DEK: variants seen among roughly 807,000 people sequenced by gnomAD.
DEK encodes protein DEK.
In DEK, 28 loss-of-function variants were observed where a neutral mutation model predicts 46.8. The ratio of observed to expected loss-of-function variants is 0.60; its 90% CI spans 0.44 to 0.82. The LOEUF (loss-of-function observed/expected upper bound fraction) is 0.82, where lower values mean the gene tolerates loss of function less well. Among genes scored for constraint, DEK ranks in the 40% least tolerant of loss-of-function variants. The probability of loss-of-function intolerance (pLI) is 0.00; values close to 1 mark genes in which losing one functional copy is unlikely to be tolerated. For synonymous variants in DEK, 160 were observed against 144.5 expected, an observed-to-expected ratio of 1.11 and a Z score of -0.77; for missense variants, 416 against 430.6, an observed-to-expected ratio of 0.97 and a Z score of 0.30.
chr6:18,232,482 A>G (rs1203133317), intron 9 of DEK, among the ~76,000 whole-genome samples: 1 of 152,186 alleles, frequency 6.6e-6, no homozygotes, highest in East Asian at 1.9e-4. Context: ...CTCAGCCCAA[A>G]ATCTCCTTAA....
intron 7 of DEK, among the ~76,000 whole-genome samples, chr6:18,246,337 C>T (rs1259529975): frequency 6.6e-6 from 1 of 152,164 alleles, no homozygotes; most frequent in Non-Finnish European, 1.5e-5. Flanking sequence ...TTCAAAATGG[C>T]TCTTTTATAA....
At chr6:18,250,292 A>AC (rs1582283813) in intron 6 of DEK, among the ~76,000 whole-genome samples, 1 of 151,968 alleles carries the variant, frequency 6.6e-6, no homozygotes, top group East Asian at 1.9e-4. Context: ...ACACGGTGAA[A>AC]CCCCGTCTCT....
rs1431355586 is a variant in DEK, at chr6:18,226,391, C to T, written c.1048-149G>A. 2.2e-5 allele frequency: 13 copies of T among 587,504 alleles called. 1 individual carries two copies. The highest frequency in any genetic ancestry group is 7.3e-4 in the Middle Eastern group (2 of 2,740). The allele number at this position is 587,504 out of a possible 1,614,324, so 36.4% of individuals were successfully genotyped here. A position where few individuals can be genotyped will look rare whatever the true frequency, so the allele number is the denominator to read the frequency against. The stretch of plus-strand genomic sequence containing the variant: ...GGTTAACCCATATGGAATTCTATTC[C>T]AAATGAGTATTTTAATAATATTGTA... On this transcript the variant is annotated intron_variant, in intron 9 of 10. Transcript: ENST00000652689.
In DEK at chr6:18,236,369, G is replaced by GT. The variant is rs749754705; in HGVS notation, c.1047+82dup. The GT allele has an allele frequency of 6.2e-5, 89 of 1,444,056 alleles. 1 individual carries two copies. The highest frequency in any genetic ancestry group is 2.4e-4 in the East Asian group (10 of 41,698). 89.5% of individuals were successfully genotyped at this position (1,444,056 alleles called of 1,614,324 possible). A position where few individuals can be genotyped will look rare whatever the true frequency, so the allele number is the denominator to read the frequency against. Reference sequence around the variant, plus strand: ...ATCTTTCTTCAATAAGTGAATGCACGTAAGTATTTAGCTTCAAATTCAGAG... The same window carrying GT: ...ATCTTTCTTCAATAAGTGAATGCACGTTAAGTATTTAGCTTCAAATTCAGAG... On this transcript the variant is annotated intron_variant, in intron 9 of 10. Transcript: ENST00000652689.
At chr6:18,255,642 G>A in intron 6 of DEK, 89 bp downstream of exon 6, 2 of 1,412,804 alleles carry the variant, frequency 1.4e-6, no homozygotes, top group Non-Finnish European at 1.9e-6. Context: ...AACGAATACT[G>A]ACAGCAATGC....
At chr6:18,248,772 G>C (rs2151088488) in intron 7 of DEK, among the ~76,000 whole-genome samples, 1 of 152,186 alleles carries the variant, frequency 6.6e-6, no homozygotes, top group East Asian at 1.9e-4. Flanking sequence ...TCGCCCCAGG[G>C]ACATTTGACA....
intron 7 of DEK, among the ~76,000 whole-genome samples, 172 bp from the exon 8 acceptor site, chr6:18,237,688 A>T (rs1480192709): frequency 6.6e-6 from 1 of 152,006 alleles, no homozygotes; most frequent in Non-Finnish European, 1.5e-5. Context: ...TTTTATCCCA[A>T]CACAAGTCTA....
At chr6:18,232,791 T>A (rs185323903) in intron 9 of DEK, among the ~76,000 whole-genome samples, 63 of 151,964 alleles carry the variant, frequency 4.1e-4, no homozygotes, top group Non-Finnish European at 4.4e-5. Flanking sequence ...AGATAATTTA[T>A]AGATTCAATG....
rs1380156437 is a variant in DEK at position 18,225,296 on chromosome 6, A to T, written c.*423T>A. 1.3e-5 allele frequency: 3 copies of T among 233,466 alleles called. No individual in the cohort carries two copies. The highest frequency in any genetic ancestry group is 6.6e-5 in the African/African-American group (3 of 45,296). The allele number at this position is 233,466 out of a possible 1,614,324, so 14.5% of individuals were successfully genotyped here. On this transcript the variant is annotated 3_prime_UTR_variant, in exon 11 of 11. Coordinates refer to ENST00000652689, the MANE Select transcript of DEK (RefSeq NM_003472.4). ...AATTTTCACACTGACAGAGATGTGT[A>T]TTCAAAATATTTCATATACTAAATA...
Position 18,225,748 on chromosome 6 carries a change from C to T in DEK, c.1117-18G>A, listed in dbSNP as rs921858437. On this transcript the variant is annotated intron_variant, in intron 10 of 10. Coordinates refer to ENST00000652689, the MANE Select transcript of DEK (RefSeq NM_003472.4). ...GAAATTAGCTGTAATGAAAGAGAAA[C>T]ATTATTTTGCCATAAATCATAAACC... 6 of 1,612,646 alleles carry T rather than the reference C, an allele frequency of 3.7e-6. No individual in the cohort carries two copies. In the African/African-American group the frequency reaches 8.0e-5, roughly 22 times the overall value.
chr6:18,244,614 A>G (rs1791031274), intron 7 of DEK: 8 of 1,253,240 alleles, frequency 6.4e-6, no homozygotes, highest in Non-Finnish European at 8.3e-6. Flanking sequence ...CTGGGTGAAC[A>G]GATGAACAAA....
At position 18,225,746 on chromosome 6, in the gene DEK, A is replaced by G. The variant is rs755041514; in HGVS notation, c.1117-16T>C. 6.2e-7 allele frequency: 1 copy of G among 1,612,992 alleles called. No individual in the cohort carries two copies. The highest frequency in any genetic ancestry group is 8.5e-7 in the Non-Finnish European group (1 of 1,179,448). On this transcript the variant is annotated splice_polypyrimidine_tract_variant and intron_variant, in intron 10 of 10. Transcript: ENST00000652689. ...AAGAAATTAGCTGTAATGAAAGAGA[A>G]ACATTATTTTGCCATAAATCATAAA...
intron 2 of DEK, among the ~76,000 whole-genome samples, chr6:18,262,746 TTTG>T (rs1448869030): frequency 6.6e-6 from 1 of 152,316 alleles, no homozygotes; most frequent in East Asian, 1.9e-4. Context: ...TGCAGCCAAT[TTTG>T]TTGTTGTATT....
chr6:18,250,240 C>T (rs1791306790), intron 6 of DEK, among the ~76,000 whole-genome samples: 2 of 152,074 alleles, frequency 1.3e-5, no homozygotes, highest in Non-Finnish European at 2.9e-5. Flanking sequence ...GACGCCGAGG[C>T]GGGCAGATCA....
intron 9 of DEK, among the ~76,000 whole-genome samples, chr6:18,228,581 C>G (rs1790242644): frequency 6.6e-6 from 1 of 152,190 alleles, no homozygotes; most frequent in Admixed American, 6.5e-5. Context: ...AAGGCATCGC[C>G]TCACCTGGGA....
intron 7 of DEK, among the ~76,000 whole-genome samples, chr6:18,244,787 C>A (rs1476925895): frequency 6.6e-6 from 1 of 152,120 alleles, no homozygotes; most frequent in East Asian, 1.9e-4. Flanking sequence ...TGCCTTCCAA[C>A]GAAAGGTTTA....
rs1194637459 is a variant in DEK, at chr6:18,223,882, TTTAA to T, written c.*1833_*1836del. 6.6e-6 allele frequency: 1 copy of T among 152,218 alleles called. No homozygotes were observed. 9.4% of individuals were successfully genotyped at this position (152,218 alleles called of 1,614,324 possible). Reference sequence around the variant, plus strand: ...CTGTACTGTAGTGGTGATACATCCATTTAATAAGTGTGCGTACTCATCAAGAACT... The same window carrying T: ...CTGTACTGTAGTGGTGATACATCCATTAAGTGTGCGTACTCATCAAGAACT... On this transcript the variant is annotated 3_prime_UTR_variant, in exon 11 of 11. Transcript: ENST00000652689.
intron 2 of DEK, among the ~76,000 whole-genome samples, chr6:18,260,214 T>A (rs893543437): frequency 6.6e-6 from 1 of 152,210 alleles, no homozygotes; most frequent in African/African-American, 2.4e-5. Flanking sequence ...TTACTCATAA[T>A]GACTAATACA....
At position 18,224,870 on chromosome 6, in the gene DEK, TTA is replaced by T. The variant is rs1425761480; in HGVS notation, c.*847_*848del. 9.5e-6 allele frequency: 2 copies of T among 211,086 alleles called. No individual in the cohort carries two copies. Among genetic ancestry groups the T allele is most frequent in the Non-Finnish European group, 9.6e-6 (1 of 103,848 alleles). The allele number at this position is 211,086 out of a possible 1,614,324, so 13.1% of individuals were successfully genotyped here. A position where few individuals can be genotyped will look rare whatever the true frequency, so the allele number is the denominator to read the frequency against. On this transcript the variant is annotated 3_prime_UTR_variant, in exon 11 of 11. Coordinates refer to ENST00000652689, the MANE Select transcript of DEK (RefSeq NM_003472.4). ...TGATAGGTTGATTTTTGGTCTGTCC[TTA>T]TATAATATAAAACGTACCTACAGAC...
Sources: gnomAD v4.1 joint callset for allele counts (sites outside exome capture counted in the v4.1 genomes callset) on GRCh38, gnomAD v4.1.1 for gene constraint, MANE v1.5 for transcripts, NCBI Gene and HGNC (gene_info 2026-07-23, HGNC 2026-07-21) for gene names.